TSGA10: variants seen among roughly 807,000 people sequenced by gnomAD.
TSGA10 encodes testis specific 10.
In TSGA10, 43 loss-of-function variants were observed where a neutral mutation model predicts 96.6. The observed-to-expected ratio is 0.44, with a 90% CI of 0.35 to 0.57. TSGA10 has a LOEUF of 0.57. TSGA10 is among the 20% of genes least tolerant of loss of function. TSGA10 has a pLI of 0.01. For missense variants in TSGA10, 703 were observed against 834.4 expected (o/e 0.84, Z 1.94); for synonymous variants, 229 against 269.9 (o/e 0.85, Z 1.48).
chr2:99,072,965 TG>T, intron 13 of TSGA10, 52 bp downstream of exon 13: 1 of 1,247,938 alleles, frequency 8.0e-7, no homozygotes, highest in Non-Finnish European at 1.2e-6. Context: ...GTACCTAACA[TG>T]GTACTTGGCC....
At chr2:99,004,626 G>A (rs1223357492) in intron 20 of TSGA10, among the ~76,000 whole-genome samples, 3 of 151,814 alleles carry the variant, frequency 2.0e-5, no homozygotes, top group Non-Finnish European at 4.4e-5. Flanking sequence ...CCAATAACAG[G>A]CTCTGAAACT....
rs545617182 is a variant in TSGA10, at chr2:99,077,079, A to ATC, written c.882+1578_882+1579dup. On this transcript the variant is annotated intron_variant, in intron 12 of 20. Coordinates refer to ENST00000393483, the MANE Select transcript of TSGA10 (RefSeq NM_025244.4). ...TGTATTCTGTCATAACAGTATCTTT[A>ATC]TCTCTCTCCTTATTACACTAGAGGC... 2.7e-3 allele frequency among the ~76,000 whole-genome samples: 357 copies of ATC among 133,922 alleles called. 4 individuals carry two copies. In the Middle Eastern group the frequency reaches 0.056, roughly 21 times the overall value. 87.9% of individuals were successfully genotyped at this position (133,922 alleles called of 152,430 possible). A position where few individuals can be genotyped will look rare whatever the true frequency, so the allele number is the denominator to read the frequency against.
In TSGA10 at chr2:99,109,515, A is replaced by C; in HGVS notation, c.-73-3T>G. Reference sequence around the variant, plus strand: ...AAGTCTTGACAAAGGAATCAAGTCTAGAAGGAGATTTATTTTGTGCTTTTT... The same window carrying C: ...AAGTCTTGACAAAGGAATCAAGTCTCGAAGGAGATTTATTTTGTGCTTTTT... On this transcript the variant is annotated splice_region_variant and splice_polypyrimidine_tract_variant and intron_variant, in intron 5 of 20. Transcript: ENST00000393483. 6.4e-7 allele frequency: 1 copy of C among 1,562,192 alleles called. No individual in the cohort carries two copies. The highest frequency in any genetic ancestry group is 8.7e-7 in the Non-Finnish European group (1 of 1,150,442).
At chr2:99,028,469 T>C (rs1470974910) in intron 17 of TSGA10, among the ~76,000 whole-genome samples, 2 of 152,208 alleles carry the variant, frequency 1.3e-5, no homozygotes, top group Non-Finnish European at 2.9e-5. Context: ...TGTATGTGTG[T>C]GTTAAGAACA....
intron 2 of TSGA10, among the ~76,000 whole-genome samples, chr2:99,122,959 T>C (rs2092655614): frequency 6.6e-6 from 1 of 152,192 alleles, no homozygotes. Context: ...GCACAAATTA[T>C]CTTAATTTTT....
At chr2:99,099,275 GCA>G (rs1487701818) in intron 10 of TSGA10, among the ~76,000 whole-genome samples, 1 of 152,158 alleles carries the variant, frequency 6.6e-6, no homozygotes, top group Non-Finnish European at 1.5e-5. Flanking sequence ...TCGCGCCATT[GCA>G]CTCCAGCCTG....
intron 17 of TSGA10, among the ~76,000 whole-genome samples, chr2:99,023,629 C>A (rs1003956918): frequency 1.3e-5 from 2 of 152,184 alleles, no homozygotes; most frequent in Non-Finnish European, 2.9e-5. Flanking sequence ...GTTGTCCCAA[C>A]GCCATTTGCT....
At chr2:99,022,065 C>CT (rs1340690047) in intron 17 of TSGA10, among the ~76,000 whole-genome samples, 1 of 152,084 alleles carries the variant, frequency 6.6e-6, no homozygotes, top group Non-Finnish European at 1.5e-5. Context: ...GTGGCTAACA[C>CT]TTGTAATCCC....
At chr2:99,139,093 C>T (rs1433801493) in intron 1 of TSGA10, among the ~76,000 whole-genome samples, 1 of 152,126 alleles carries the variant, frequency 6.6e-6, no homozygotes, top group East Asian at 1.9e-4. Flanking sequence ...GTTCCTGTAT[C>T]TACAAAAATT....
intron 4 of TSGA10, among the ~76,000 whole-genome samples, chr2:99,113,101 G>A (rs1305740327): frequency 1.3e-5 from 2 of 151,950 alleles, no homozygotes; most frequent in Admixed American, 6.5e-5. Flanking sequence ...TCTGGGAAAT[G>A]CCATGTTAAC....
intron 16 of TSGA10, among the ~76,000 whole-genome samples, chr2:99,051,273 T>C (rs1378567117): frequency 6.6e-6 from 1 of 151,992 alleles, no homozygotes; most frequent in Non-Finnish European, 1.5e-5. Flanking sequence ...CAAAGTCAAA[T>C]AGAATGAAAC....
chr2:99,064,554 G>A (rs964990317), intron 16 of TSGA10, among the ~76,000 whole-genome samples: 4 of 152,272 alleles, frequency 2.6e-5, no homozygotes, highest in Admixed American at 2.6e-4. Flanking sequence ...CAACTAGGGA[G>A]GTAGGAGGGA....
At chr2:99,059,070 TTATATATTTTTA>T (rs1233981698) in intron 16 of TSGA10, among the ~76,000 whole-genome samples, 3 of 103,776 alleles carry the variant, frequency 2.9e-5, no homozygotes, top group Admixed American at 2.1e-4. Context: ...ATATATATAT[TTATATATTTTTA>T]TATATATATA....
At chr2:99,137,022 A>G (rs1398731648) in intron 1 of TSGA10, among the ~76,000 whole-genome samples, 1 of 133,882 alleles carries the variant, frequency 7.5e-6, no homozygotes, top group African/African-American at 2.8e-5. Context: ...TTTTTTTGAG[A>G]CAGTCGTGCT....
At position 99,068,954 on chromosome 2, in the gene TSGA10, G is replaced by A. The variant is rs1354684110; in HGVS notation, c.1152C>T (p.Asp384=). The change falls in exon 15 of 21, where the codon GAC becomes GAT. Residue 384 remains aspartate (D), a synonymous_variant. Transcript: ENST00000393483. ...KLNDTHNELN[D]IKQKVQDTNL... Reference sequence around the variant, plus strand: ...TAGTATCTTGAACCTTCTGTTTTATGTCATTAAGTTCATTATGAGTGTCAT... The same window carrying A: ...TAGTATCTTGAACCTTCTGTTTTATATCATTAAGTTCATTATGAGTGTCAT... The A allele has an allele frequency of 6.8e-7, 1 of 1,476,014 alleles. No homozygotes were observed. The highest frequency in any genetic ancestry group is 1.5e-5 in the African/African-American group (1 of 68,390). 91.4% of individuals were successfully genotyped at this position (1,476,014 alleles called of 1,614,324 possible). A position where few individuals can be genotyped will look rare whatever the true frequency, so the allele number is the denominator to read the frequency against.
At chr2:99,078,973 G>T (rs1454778472) in intron 11 of TSGA10, 160 bp from the exon 12 acceptor site, 2 of 505,596 alleles carry the variant, frequency 4.0e-6, no homozygotes, top group African/African-American at 2.0e-5. Context: ...AAATTTTTTT[G>T]GTTAAAAACT....
chr2:99,140,529 T>C (rs1250794018), intron 1 of TSGA10, among the ~76,000 whole-genome samples: 1 of 152,046 alleles, frequency 6.6e-6, no homozygotes, highest in African/African-American at 2.4e-5. Flanking sequence ...TTTTTAGGTA[T>C]CAAGTCCATG....
At chr2:99,143,162 GAC>G (rs2093592501) in intron 1 of TSGA10, among the ~76,000 whole-genome samples, 1 of 86,518 alleles carries the variant, frequency 1.2e-5, no homozygotes, top group Non-Finnish European at 2.1e-5. Context: ...TTTTTTTTGA[GAC>G]AGAGTCTCAC....
intron 14 of TSGA10, among the ~76,000 whole-genome samples, chr2:99,070,004 C>A (rs752571978): frequency 6.6e-6 from 1 of 151,964 alleles, no homozygotes; most frequent in African/African-American, 2.4e-5. Context: ...TCCACTTTCT[C>A]GTCTTCTGCA....
Sources: gnomAD v4.1 joint callset for allele counts (sites outside exome capture counted in the v4.1 genomes callset) on GRCh38, gnomAD v4.1.1 for gene constraint, MANE v1.5 for transcripts, NCBI Gene and HGNC (gene_info 2026-07-23, HGNC 2026-07-21) for gene names.